Variants in ADAMTSL1 observed in about 807,000 individuals in gnomAD.
ADAMTSL1 encodes ADAMTS-like protein 1.
In ADAMTSL1, 126 loss-of-function variants were observed where a neutral mutation model predicts 201.8. The ratio of observed to expected loss-of-function variants is 0.62; its 90% confidence interval spans 0.54 to 0.72. ADAMTSL1 has a LOEUF of 0.72. Ranked by LOEUF, ADAMTSL1 falls within the 30% of genes least tolerant of loss-of-function variation. The pLI, the probability that ADAMTSL1 is intolerant of heterozygous loss-of-function variation, is 0.00. For synonymous variants in ADAMTSL1, 1,121 were observed against 903.4 expected, an observed-to-expected ratio of 1.24 and a Z score of -4.32; for missense variants, 2,679 against 2,277.8, an observed-to-expected ratio of 1.18 and a Z score of -3.59.
chr9:18,047,501 G>A (rs549689451), intron 1 of ADAMTSL1, among the ~76,000 whole-genome samples: 2 of 152,240 alleles, frequency 1.3e-5, no homozygotes, highest in South Asian at 4.2e-4. Flanking sequence ...GTATCAGAAG[G>A]TAGTGACTGC....
At chr9:18,047,523 A>T (rs1821721279) in intron 1 of ADAMTSL1, among the ~76,000 whole-genome samples, 1 of 152,166 alleles carries the variant, frequency 6.6e-6, no homozygotes, top group South Asian at 2.1e-4. Flanking sequence ...AGAAGCAGCC[A>T]TCCCTAAAAT....
rs369242748 is a variant in ADAMTSL1, at chr9:18,861,005, C to T, written c.4250-26826C>T. Among the ~76,000 whole-genome samples the T allele has an allele frequency of 7.9e-4, 121 of 152,302 alleles. 2 individuals are homozygous for T. In the South Asian group the frequency reaches 0.024, roughly 31 times the overall value. On this transcript the variant is annotated intron_variant, in intron 23 of 28. Transcript: ENST00000380548. ...ACTTCCATTCGTTATGCAGAGATCA[C>T]ATACACATCCCTCGTTTCACAGAGA...
intron 2 of ADAMTSL1, among the ~76,000 whole-genome samples, chr9:18,352,803 AC>A (rs1465791462): frequency 6.6e-6 from 1 of 152,182 alleles, no homozygotes; most frequent in Non-Finnish European, 1.5e-5. Context: ...ATACGTTTTT[AC>A]CCTATTTCTC....
intron 1 of ADAMTSL1, among the ~76,000 whole-genome samples, chr9:18,006,759 C>A (rs1285935605): frequency 6.6e-6 from 1 of 151,942 alleles, no homozygotes; most frequent in African/African-American, 2.4e-5. Context: ...GTGATTATGT[C>A]AACTGTTTTC....
intron 25 of ADAMTSL1, 143 bp from the exon 26 acceptor site, chr9:18,892,246 T>C (rs767879921): frequency 2.9e-4 from 218 of 750,156 alleles, no homozygotes; most frequent in Middle Eastern, 3.8e-4. Context: ...TTTCAGCCTA[T>C]CAATCATCTT....
chr9:18,637,416 A>C (rs1305793609), intron 6 of ADAMTSL1, among the ~76,000 whole-genome samples: 3 of 152,202 alleles, frequency 2.0e-5, no homozygotes, highest in Non-Finnish European at 2.9e-5. Context: ...AACATCACCA[A>C]GTGGGGGACT....
chr9:18,535,175 C>G (rs935604704), intron 3 of ADAMTSL1, among the ~76,000 whole-genome samples: 1 of 152,294 alleles, frequency 6.6e-6, no homozygotes, highest in South Asian at 2.1e-4. Context: ...ATTTCTTCTG[C>G]CAGATACCCT....
At chr9:18,673,295 C>G (rs1829938761) in intron 9 of ADAMTSL1, among the ~76,000 whole-genome samples, 1 of 152,064 alleles carries the variant, frequency 6.6e-6, no homozygotes. Flanking sequence ...TTTCTCCCAG[C>G]AACAGTGTAG....
Position 18,906,834 on chromosome 9 carries a change from G to A in ADAMTSL1, c.5104G>A (p.Ala1702Thr), listed in dbSNP as rs375013368. The change falls in exon 28 of 29, where the codon GCA becomes ACA. Residue 1702 changes from alanine (A) to threonine (T), a missense_variant. Physicochemically the swap from Ala to Thr is moderately conservative, Grantham distance 58. Transcript: ENST00000380548. ...GTGTGTGCATGCCCGCACCAACAAG[G>A]CAGTGCCTGAGCACCTGTGCTCCTG... ...VECVHARTNK[A>T]VPEHLCSWGP... The A allele has an allele frequency of 1.1e-5, 17 of 1,613,892 alleles. No individual in the cohort carries two copies. In the African/African-American group the frequency reaches 2.3e-4, roughly 22 times the overall value.
chr9:18,213,361 T>A (rs1302200574), intron 2 of ADAMTSL1, among the ~76,000 whole-genome samples: 2 of 152,176 alleles, frequency 1.3e-5, no homozygotes, highest in African/African-American at 4.8e-5. Flanking sequence ...TTGGTGTTGG[T>A]ATCCTTCGGA....
At chr9:18,061,877 C>T (rs7869628) in intron 1 of ADAMTSL1, among the ~76,000 whole-genome samples, 87,602 of 152,054 alleles carry the variant, frequency 0.58, 25,413 homozygotes, top group South Asian at 0.67. Flanking sequence ...AATCACCAAA[C>T]GGCATCTTCA....
In ADAMTSL1 at chr9:18,006,232, A is replaced by G. The variant is rs771156705; in HGVS notation, c.87+99310A>G. On this transcript the variant is annotated intron_variant, in intron 1 of 29. Coordinates refer to the ADAMTSL1 transcript ENST00000680146. Reference sequence around the variant, plus strand: ...TCCATTGTATAATATTTTACACTAGAGGTTAATAACTTCAACAGCATAGAA... The same window carrying G: ...TCCATTGTATAATATTTTACACTAGGGGTTAATAACTTCAACAGCATAGAA... Among the ~76,000 whole-genome samples, 24 of 152,176 alleles carry G rather than the reference A, an allele frequency of 1.6e-4. 1 individual carries two copies. In the Middle Eastern group the frequency reaches 0.01, roughly 65 times the overall value.
chr9:18,442,060 G>A (rs1282213310), intron 2 of ADAMTSL1, among the ~76,000 whole-genome samples: 1 of 152,190 alleles, frequency 6.6e-6, no homozygotes, highest in Admixed American at 6.5e-5. Flanking sequence ...TAGAAGAGCA[G>A]GTGGCTTTTT....
Position 18,017,790 on chromosome 9 carries a change from G to A in ADAMTSL1, c.87+110868G>A, listed in dbSNP as rs762866125. 7.9e-5 allele frequency among the ~76,000 whole-genome samples: 12 copies of A among 151,808 alleles called. 1 individual carries two copies. The Middle Eastern group carries it at 0.014, about 172-fold the overall frequency. The stretch of plus-strand genomic sequence containing the variant: ...ATGTGGTTCTGTTTCTTTCCCTGCC[G>A]CCATTAAAATTCTATCAGCAAAGAA... On this transcript the variant is annotated intron_variant, in intron 1 of 29. Transcript: ENST00000680146.
At chr9:18,648,828 C>T (rs1343509860) in intron 7 of ADAMTSL1, among the ~76,000 whole-genome samples, 3 of 151,974 alleles carry the variant, frequency 2.0e-5, no homozygotes, top group African/African-American at 7.2e-5. Context: ...ACATTTTTTC[C>T]TTCATTTCAA....
chr9:18,671,328 C>T (rs1829797314), intron 9 of ADAMTSL1, among the ~76,000 whole-genome samples: 1 of 152,152 alleles, frequency 6.6e-6, no homozygotes, highest in Non-Finnish European at 1.5e-5. Context: ...CATTATGGAA[C>T]CATGTGAGTC....
rs568868395 is a variant in ADAMTSL1, at chr9:18,580,681, A to G, written c.474+6415A>G. Among the ~76,000 whole-genome samples the G allele has an allele frequency of 2.7e-4, 41 of 152,314 alleles. 2 individuals carry two copies. In the South Asian group the frequency reaches 5.8e-3, roughly 22 times the overall value. On this transcript the variant is annotated intron_variant, in intron 4 of 28. Coordinates refer to ENST00000380548, the MANE Select transcript of ADAMTSL1 (RefSeq NM_001040272.6). ...AAAATTGATTAAGATCTCTTTCCATAGGAGTGATACATTTTTAGAGTTATT... is the reference window on the plus strand; with the variant it reads ...AAAATTGATTAAGATCTCTTTCCATGGGAGTGATACATTTTTAGAGTTATT...
At chr9:18,736,361 C>G (rs919038084) in intron 15 of ADAMTSL1, among the ~76,000 whole-genome samples, 3 of 152,154 alleles carry the variant, frequency 2.0e-5, no homozygotes, top group African/African-American at 7.2e-5. Flanking sequence ...TCTGTGTTAC[C>G]TGCTAGGTAC....
At chr9:18,078,392 A>G (rs1389898307) in intron 1 of ADAMTSL1, among the ~76,000 whole-genome samples, 1 of 152,162 alleles carries the variant, frequency 6.6e-6, no homozygotes, top group East Asian at 1.9e-4. Context: ...TTGAGTTTCT[A>G]CATTTCATCA....
Sources: allele counts gnomAD v4.1 joint callset (sites outside exome capture counted in the v4.1 genomes callset), GRCh38; gene constraint gnomAD v4.1.1; transcripts MANE v1.5; gene names NCBI Gene and HGNC (gene_info 2026-07-23, HGNC 2026-07-21).